The following THSD4 variants were observed in gnomAD, a reference collection of about 807,000 sequenced individuals.
The protein encoded by THSD4 is thrombospondin type 1 domain containing 4, also known as thrombospondin type-1 domain-containing protein 4.
Under a neutral mutation model 119.0 loss-of-function variants are expected in THSD4, and 69 were observed. That is an observed-to-expected ratio of 0.58 (90% CI 0.48 to 0.71). The LOEUF is 0.71. Ranked by LOEUF, THSD4 falls within the 30% of genes least tolerant of loss-of-function variation. The probability of loss-of-function intolerance (pLI) is 0.00; values close to 1 mark genes in which losing one functional copy is unlikely to be tolerated. For synonymous variants in THSD4, 524 were observed against 540.4 expected, an observed-to-expected ratio of 0.97 and a Z score of 0.42; for missense variants, 1,393 against 1,391.1, an observed-to-expected ratio of 1.00 and a Z score of -0.02.
chr15:71,272,217 A>T (rs1003820157), intron 6 of THSD4, among the ~76,000 whole-genome samples: 16 of 151,852 alleles, frequency 1.1e-4, no homozygotes, highest in Non-Finnish European at 2.9e-5. Flanking sequence ...CCTGGCCAAC[A>T]TAGTGAATCC....
At chr15:71,678,232 A>T (rs976378321) in intron 8 of THSD4, among the ~76,000 whole-genome samples, 2 of 152,268 alleles carry the variant, frequency 1.3e-5, no homozygotes, top group Admixed American at 6.5e-5. Flanking sequence ...TTAGGGAACT[A>T]ATACAAGCTA....
intron 7 of THSD4, among the ~76,000 whole-genome samples, chr15:71,629,218 G>T (rs2050568358): frequency 6.6e-6 from 1 of 152,146 alleles, no homozygotes; most frequent in African/African-American, 2.4e-5. Context: ...TACTGAACTG[G>T]CAGTAGAGAC....
chr15:71,523,569 G>A (rs1169206195), intron 7 of THSD4, among the ~76,000 whole-genome samples: 3 of 152,202 alleles, frequency 2.0e-5, no homozygotes, highest in Non-Finnish European at 4.4e-5. Context: ...TGATGCTGAT[G>A]TATTAGGAAG....
At chr15:71,567,985 C>T (rs1567041050) in intron 7 of THSD4, among the ~76,000 whole-genome samples, 1 of 152,178 alleles carries the variant, frequency 6.6e-6, no homozygotes, top group African/African-American at 2.4e-5. Context: ...CCTTCTGCCT[C>T]TCTTTCTTTG....
intron 4 of THSD4, among the ~76,000 whole-genome samples, chr15:71,224,988 G>T (rs1277556090): frequency 6.6e-6 from 1 of 152,068 alleles, no homozygotes; most frequent in Non-Finnish European, 1.5e-5. Context: ...AGGGAGGGGG[G>T]ACATTATCAG....
chr15:71,530,846 C>G (rs1022652907), intron 7 of THSD4, among the ~76,000 whole-genome samples: 7 of 150,296 alleles, frequency 4.7e-5, no homozygotes, highest in African/African-American at 1.7e-4. Context: ...ATCTTACTGT[C>G]TACTTGAAGA....
At chr15:71,312,867 TC>T (rs2045131722) in intron 6 of THSD4, among the ~76,000 whole-genome samples, 1 of 152,142 alleles carries the variant, frequency 6.6e-6, no homozygotes, top group Non-Finnish European at 1.5e-5. Context: ...TGATTGTCCC[TC>T]CCTGCAAGAG....
At chr15:71,445,059 A>G (rs1378880055) in intron 7 of THSD4, among the ~76,000 whole-genome samples, 1 of 152,156 alleles carries the variant, frequency 6.6e-6, no homozygotes, top group Non-Finnish European at 1.5e-5. Flanking sequence ...TGAATAGGCC[A>G]TGCCTCTGGG....
rs776802906 is a variant in THSD4, at chr15:71,780,252, G to T, written c.*2878G>T. ...GAATTGATATTTACATTTTGATACG[G>T]TTTTTTTCTTGGCCTGTGTACGGGA... On this transcript the variant is annotated 3_prime_UTR_variant, in exon 18 of 18. Coordinates refer to ENST00000261862, the MANE Select transcript of THSD4 (RefSeq NM_024817.3). The T allele has an allele frequency of 9.2e-5, 14 of 152,832 alleles. No individual in the cohort carries two copies. The highest frequency in any genetic ancestry group is 1.6e-4 in the Non-Finnish European group (11 of 68,572). The allele number at this position is 152,832 out of a possible 1,614,324, so 9.5% of individuals were successfully genotyped here.
In THSD4 at chr15:71,422,985, A is replaced by G. The variant is rs560371419; in HGVS notation, c.1152+11162A>G. ...GGCCACCACCTCCACAGGCCCATGG[A>G]GAGCACTGCCAGGCTGTCGCTGATG... On this transcript the variant is annotated intron_variant, in intron 7 of 17. Transcript: ENST00000261862. Among the ~76,000 whole-genome samples the G allele has an allele frequency of 7.9e-4, 121 of 152,258 alleles. 4 individuals carry two copies. The South Asian group carries it at 0.023, about 29-fold the overall frequency.
At chr15:71,638,891 A>T (rs137888698) in intron 7 of THSD4, among the ~76,000 whole-genome samples, 1 of 152,308 alleles carries the variant, frequency 6.6e-6, no homozygotes, top group East Asian at 1.9e-4. Flanking sequence ...GTCAGCAAGG[A>T]CCCTGCTCAT....
Position 71,462,326 on chromosome 15 carries a change from A to T in THSD4, c.1152+50503A>T, listed in dbSNP as rs371564401. On this transcript the variant is annotated intron_variant, in intron 7 of 17. Coordinates refer to ENST00000261862, the MANE Select transcript of THSD4 (RefSeq NM_024817.3). ...AAGCAAGCACCAGCACATCTGGCTA[A>T]TTTTTTTTCTTGTAGAGATGAGGTC... Among the ~76,000 whole-genome samples, 13 of 151,812 alleles carry T rather than the reference A, an allele frequency of 8.6e-5. No homozygotes were observed. The East Asian group carries it at 2.5e-3, about 29-fold the overall frequency.
intron 2 of THSD4, among the ~76,000 whole-genome samples, chr15:71,145,208 C>T (rs558331975): frequency 6.6e-6 from 1 of 152,038 alleles, no homozygotes; most frequent in Admixed American, 6.6e-5. Flanking sequence ...GTATGGTTGA[C>T]GTATTTTATA....
At chr15:71,678,546 T>G (rs1178547036) in intron 8 of THSD4, among the ~76,000 whole-genome samples, 1 of 152,226 alleles carries the variant, frequency 6.6e-6, no homozygotes, top group Non-Finnish European at 1.5e-5. Context: ...TAAGCAGAAC[T>G]CTAGGCACAT....
intron 7 of THSD4, among the ~76,000 whole-genome samples, chr15:71,476,507 G>A (rs1274606769): frequency 6.6e-6 from 1 of 152,196 alleles, no homozygotes; most frequent in Non-Finnish European, 1.5e-5. Context: ...CTCCCAAAGT[G>A]CTGGGATTAC....
chr15:71,717,039 C>G (rs1483389398), intron 8 of THSD4, among the ~76,000 whole-genome samples: 6 of 152,202 alleles, frequency 3.9e-5, no homozygotes, highest in Non-Finnish European at 5.9e-5. Flanking sequence ...AAGATGCATT[C>G]TGGGGCACAT....
intron 6 of THSD4, among the ~76,000 whole-genome samples, chr15:71,392,492 C>T (rs1289396652): frequency 6.6e-6 from 1 of 152,228 alleles, no homozygotes; most frequent in African/African-American, 2.4e-5. Flanking sequence ...AAGGACTATG[C>T]AGAGATCATC....
At chr15:71,184,042 A>G (rs558100043) in intron 3 of THSD4, 1 of 151,908 alleles carries the variant, frequency 6.6e-6, no homozygotes, top group African/African-American at 2.4e-5. Context: ...TGCTGGTTAC[A>G]TGTTGTCATC....
chr15:71,332,662 T>TA (rs1273907160), intron 6 of THSD4, among the ~76,000 whole-genome samples: 2 of 152,138 alleles, frequency 1.3e-5, no homozygotes, highest in Admixed American at 6.5e-5. Flanking sequence ...GTCACAGGCT[T>TA]AAGATAGGGA....
Sources: allele counts gnomAD v4.1 joint callset (sites outside exome capture counted in the v4.1 genomes callset), GRCh38; gene constraint gnomAD v4.1.1; transcripts MANE v1.5; gene names NCBI Gene and HGNC (gene_info 2026-07-23, HGNC 2026-07-21).